IPMK: variants seen among roughly 807,000 people sequenced by gnomAD.
IPMK encodes inositol polyphosphate multikinase, also known as inositol 1,3,4,6-tetrakisphosphate 5-kinase.
IPMK carries 17 observed loss-of-function variants against 45.8 expected under a neutral mutation model. The ratio of observed to expected loss-of-function variants is 0.37; its 90% confidence interval spans 0.25 to 0.56. The LOEUF is 0.56. Ranked by LOEUF, IPMK falls within the 20% of genes least tolerant of loss-of-function variation. IPMK has a pLI of 0.79. For missense variants in IPMK, 399 were observed against 498.0 expected (o/e 0.80, Z 1.89); for synonymous variants, 180 against 184.3 (o/e 0.98, Z 0.19).
At chr10:58,237,430 G>C (rs1838630030) in intron 2 of IPMK, among the ~76,000 whole-genome samples, 1 of 152,158 alleles carries the variant, frequency 6.6e-6, no homozygotes, top group African/African-American at 2.4e-5. Context: ...GAAACCAACA[G>C]AGCATACCAT....
At chr10:58,200,126 T>A (rs1837975842) in intron 4 of IPMK, among the ~76,000 whole-genome samples, 1 of 152,140 alleles carries the variant, frequency 6.6e-6, no homozygotes, top group East Asian at 1.9e-4. Flanking sequence ...AACTTTTTTT[T>A]GGTTGGGGGA....
At chr10:58,205,716 T>A (rs1364537689) in intron 4 of IPMK, among the ~76,000 whole-genome samples, 2 of 152,162 alleles carry the variant, frequency 1.3e-5, no homozygotes. Flanking sequence ...AAAAACTACA[T>A]ATTAGGTACA....
chr10:58,218,381 A>C (rs563456271), intron 3 of IPMK, among the ~76,000 whole-genome samples: 125 of 152,312 alleles, frequency 8.2e-4, no homozygotes, highest in Non-Finnish European at 4.9e-4. Flanking sequence ...GAGAAGAAAG[A>C]AGCACAGGAC....
chr10:58,256,927 T>G (rs1407489475), intron 1 of IPMK, among the ~76,000 whole-genome samples: 1 of 152,116 alleles, frequency 6.6e-6, no homozygotes, highest in Non-Finnish European at 1.5e-5. Flanking sequence ...TAGCCACGCA[T>G]GTTGGCACAT....
rs914904420 is a variant in IPMK at position 58,194,750 on chromosome 10, A to C, written c.*1326T>G. 4 of 152,030 alleles carry C rather than the reference A, an allele frequency of 2.6e-5. No homozygotes were observed. Among genetic ancestry groups the C allele is most frequent in the African/African-American group, 9.7e-5 (4 of 41,450 alleles). The allele number at this position is 152,030 out of a possible 1,614,324, so 9.4% of individuals were successfully genotyped here. A position where few individuals can be genotyped will look rare whatever the true frequency, so the allele number is the denominator to read the frequency against. On this transcript the variant is annotated 3_prime_UTR_variant, in exon 6 of 6. Transcript: ENST00000373935. ...ATGACAAAACTGATAACTACCTAGAAATGTTATTAGTGAATGGAAGTGCAA... is the reference window on the plus strand; with the variant it reads ...ATGACAAAACTGATAACTACCTAGACATGTTATTAGTGAATGGAAGTGCAA...
intron 1 of IPMK, among the ~76,000 whole-genome samples, chr10:58,265,293 G>A (rs1375717714): frequency 6.6e-6 from 1 of 152,016 alleles, no homozygotes; most frequent in African/African-American, 2.4e-5. Flanking sequence ...GAACATTTCT[G>A]GTTACTTACT....
At chr10:58,236,352 A>G (rs958212917) in intron 2 of IPMK, among the ~76,000 whole-genome samples, 1 of 152,228 alleles carries the variant, frequency 6.6e-6, no homozygotes, top group Admixed American at 6.5e-5. Flanking sequence ...GAAGAAAATA[A>G]GAGTTTAATT....
At chr10:58,254,065 G>A (rs1299208706) in intron 1 of IPMK, among the ~76,000 whole-genome samples, 1 of 152,100 alleles carries the variant, frequency 6.6e-6, no homozygotes, top group Non-Finnish European at 1.5e-5. Context: ...CCTTTACCTA[G>A]ATGTTGTCAT....
Position 58,256,829 on chromosome 10 carries a change from A to T in IPMK, c.190+10593T>A, listed in dbSNP as rs2790147. On this transcript the variant is annotated intron_variant, in intron 1 of 5. Transcript: ENST00000373935. Reference sequence around the variant, plus strand: ...AAATATTGGGGGCTGGTTCCCCCGAAAGACAAGAGGAAAACTTGAGCCAAG... The same window carrying T: ...AAATATTGGGGGCTGGTTCCCCCGATAGACAAGAGGAAAACTTGAGCCAAG... Among the ~76,000 whole-genome samples, 702 of 151,878 alleles carry T rather than the reference A, an allele frequency of 4.6e-3. 6 individuals are homozygous for T. Among genetic ancestry groups the T allele is most frequent in the African/African-American group, 0.016 (645 of 41,290 alleles).
intron 1 of IPMK, among the ~76,000 whole-genome samples, chr10:58,238,841 G>T (rs767009): frequency 0.3 from 39,963 of 135,182 alleles, 7,877 homozygotes; most frequent in African/African-American, 0.58. Flanking sequence ...AATCAAGTTT[G>T]TTTTTTGTTT....
At chr10:58,257,216 C>G (rs1838983038) in intron 1 of IPMK, among the ~76,000 whole-genome samples, 1 of 152,116 alleles carries the variant, frequency 6.6e-6, no homozygotes, top group Non-Finnish European at 1.5e-5. Flanking sequence ...TTTCAACAGC[C>G]AGGCCCGGTG....
chr10:58,260,715 C>A (rs1839051340), intron 1 of IPMK, among the ~76,000 whole-genome samples: 2 of 151,692 alleles, frequency 1.3e-5, no homozygotes, highest in East Asian at 3.9e-4. Context: ...AAGGGAAAAG[C>A]CTAGTAAACA....
At chr10:58,209,511 T>A (rs779046841) in intron 4 of IPMK, among the ~76,000 whole-genome samples, 4 of 152,132 alleles carry the variant, frequency 2.6e-5, no homozygotes, top group Admixed American at 1.3e-4. Context: ...GTAGTGATCG[T>A]TATTGTTCTT....
At chr10:58,212,498 G>T in intron 4 of IPMK, 1 of 190,026 alleles carries the variant, frequency 5.3e-6, no homozygotes, top group South Asian at 1.4e-4. Context: ...CAGTTATGAT[G>T]ACAGGTGATA....
intron 3 of IPMK, among the ~76,000 whole-genome samples, chr10:58,220,482 AATCTC>A (rs1480110340): frequency 4.6e-5 from 7 of 152,212 alleles, no homozygotes; most frequent in Admixed American, 4.6e-4. Context: ...AGGAGGCTCA[AATCTC>A]AACTCTATAA....
intron 1 of IPMK, 95 bp downstream of exon 1, chr10:58,267,327 G>C: frequency 1.6e-6 from 2 of 1,264,842 alleles, no homozygotes; most frequent in Non-Finnish European, 2.3e-6. Flanking sequence ...CCAGGGGGGC[G>C]TCCAGGCAGG....
At chr10:58,261,853 C>T (rs183766138) in intron 1 of IPMK, among the ~76,000 whole-genome samples, 13 of 152,276 alleles carry the variant, frequency 8.5e-5, no homozygotes, top group Admixed American at 7.8e-4. Context: ...CATGAGCCAC[C>T]GTGCCCAGCC....
chr10:58,226,216 G>A (rs1189725902), intron 3 of IPMK, among the ~76,000 whole-genome samples: 1 of 152,120 alleles, frequency 6.6e-6, no homozygotes, highest in Non-Finnish European at 1.5e-5. Context: ...GACAAGAACT[G>A]ACAAAAGGAA....
At chr10:58,228,753 T>TCG (rs754142198) in intron 2 of IPMK, among the ~76,000 whole-genome samples, 103 of 152,346 alleles carry the variant, frequency 6.8e-4, no homozygotes, top group Admixed American at 1.4e-3. Context: ...CAGGATGGTC[T>TCG]CGATCTCCTG....
Sources: gnomAD v4.1 joint callset for allele counts (sites outside exome capture counted in the v4.1 genomes callset) on GRCh38, gnomAD v4.1.1 for gene constraint, MANE v1.5 for transcripts, NCBI Gene and HGNC (gene_info 2026-07-23, HGNC 2026-07-21) for gene names.